FAM186B: variants seen among roughly 807,000 people sequenced by gnomAD.
The protein encoded by FAM186B is family with sequence similarity 186 member B.
A neutral mutation model predicts 83.4 loss-of-function variants in FAM186B; 68 were observed. The ratio of observed to expected loss-of-function variants is 0.81; its 90% CI spans 0.67 to 1.00. The LOEUF is 1.00. Ranked by LOEUF, FAM186B falls within the 50% of genes least tolerant of loss-of-function variation. The pLI, the probability that FAM186B is intolerant of heterozygous loss-of-function variation, is 0.00. For synonymous variants in FAM186B, 389 were observed against 422.0 expected (o/e 0.92, Z 0.96); for missense variants, 983 against 1,099.2 (o/e 0.89, Z 1.49).
At chr12:49,592,733 C>T (rs992375607) in intron 5 of FAM186B, among the ~76,000 whole-genome samples, 3 of 152,092 alleles carry the variant, frequency 2.0e-5, no homozygotes, top group Non-Finnish European at 2.9e-5. Flanking sequence ...TTATGGTGAG[C>T]TGAGATCGCA....
At chr12:49,588,744 G>C in intron 5 of FAM186B, 121 bp from the exon 6 acceptor site, 16 of 944,274 alleles carry the variant, frequency 1.7e-5, no homozygotes, top group Non-Finnish European at 2.3e-5. Context: ...GAGAGGGTAA[G>C]GCCCAGGGAA....
At chr12:49,587,172 G>A (rs1396643609), downstream of FAM186B, among the ~76,000 whole-genome samples, 2 of 152,136 alleles carry the variant, frequency 1.3e-5, no homozygotes, top group African/African-American at 2.4e-5. Context: ...TCTAGGGACC[G>A]TTCTTGAAGA....
Position 49,598,863 on chromosome 12 carries a change from G to A in FAM186B, c.2256C>T (p.Asn752=), listed in dbSNP as rs1939794449. Residue 752 remains asparagine, a synonymous_variant, in exon 5 of 7, where the codon AAC becomes AAT. Coordinates refer to ENST00000257894, the MANE Select transcript of FAM186B (RefSeq NM_032130.3). The part of the protein sequence containing the change: ...KAQNLYIFLE[N]IDRLQSLRLQ... ...GCCTGAGACTCTGCAGGCGGTCAAT[G>A]TTTTCCAGGAAGATGTAGAGGTTCT... 1.2e-6 allele frequency: 2 copies of A among 1,613,284 alleles called. No individual in the cohort carries two copies. Among genetic ancestry groups the A allele is most frequent in the South Asian group, 2.2e-5 (2 of 90,996 alleles).
chr12:49,600,878 G>C lies in FAM186B; in HGVS notation c.762C>G (p.Asn254Lys), dbSNP rs370674269. ...NKALILQHKE[N>K]RSLETKYRHL... The stretch of plus-strand genomic sequence containing the variant: ...GCCTGTATTTGGTCTCCAGGCTCCT[G>C]TTCTCCTTGTGTTGGAGGATCAAGG... The change falls in exon 4 of 7, where the codon AAC becomes AAG. Residue 254 changes from asparagine (N) to lysine (K), a missense_variant. Transcript: ENST00000257894. The surrounding 1 kb of genome is among the most constrained non-coding windows in gnomAD (Gnocchi z 4.3). The C allele has an allele frequency of 1.0e-4, 167 of 1,614,030 alleles. No individual in the cohort carries two copies. Among genetic ancestry groups the C allele is most frequent in the Admixed American group, 2.0e-4 (12 of 59,992 alleles).
At chr12:49,602,180 C>A (rs754889062) in intron 3 of FAM186B, among the ~76,000 whole-genome samples, 1 of 152,158 alleles carries the variant, frequency 6.6e-6, no homozygotes, top group African/African-American at 2.4e-5. Context: ...CTAGTAAGTG[C>A]TCAATAAATC....
At chr12:49,595,446 T>G (rs571144549) in intron 5 of FAM186B, 1 of 496,466 alleles carries the variant, frequency 2.0e-6, no homozygotes, top group African/African-American at 1.9e-5. Context: ...GTGCAGGTCC[T>G]ACTGCTCTGA....
chr12:49,615,509 G>A, the FAM186B span, among the ~76,000 whole-genome samples: 1 of 152,144 alleles, frequency 6.6e-6, no homozygotes, highest in Non-Finnish European at 1.5e-5. Context: ...TATACAAATG[G>A]GCCAGGTGCA....
In FAM186B at chr12:49,598,928, C is replaced by A. The variant is rs1939797166; in HGVS notation, c.2191G>T (p.Val731Leu). The A allele has an allele frequency of 1.9e-6, 3 of 1,613,796 alleles. No individual in the cohort carries two copies. The highest frequency in any genetic ancestry group is 1.7e-6 in the Non-Finnish European group (2 of 1,179,990). Residue 731 changes from valine to leucine, a missense_variant, in exon 5 of 7, where the codon GTA (valine) becomes TTA (leucine). Coordinates refer to ENST00000257894, the MANE Select transcript of FAM186B (RefSeq NM_032130.3). Reference sequence around the variant, plus strand: ...GCCTCCGTTTCTTTCATGATTTGTACATGGTTGATCGCTTCTTGCCTGGGA... The same window carrying A: ...GCCTCCGTTTCTTTCATGATTTGTAAATGGTTGATCGCTTCTTGCCTGGGA... ...QSLRQEAINH[V>L]QIMKETEASY...
downstream of FAM186B, among the ~76,000 whole-genome samples, chr12:49,586,023 A>G (rs1231786906): frequency 1.3e-5 from 2 of 152,182 alleles, no homozygotes; most frequent in East Asian, 3.8e-4. Context: ...CCTGACACGC[A>G]GGGAGGTGGT....
In FAM186B at chr12:49,600,175, G is replaced by A. The variant is rs142744818; in HGVS notation, c.1465C>T (p.Arg489Trp). 3.2e-5 allele frequency: 52 copies of A among 1,613,274 alleles called. No individual in the cohort carries two copies. In the African/African-American group the frequency reaches 4.4e-4, roughly 14 times the overall value. ...PWEEEFGREM[R>W]RQLWLEEEEM... Reference sequence around the variant, plus strand: ...TCCTCCTCCAGCCACAGCTGCCTCCGCATCTCCCGGCCGAATTCCTCCTCC... The same window carrying A: ...TCCTCCTCCAGCCACAGCTGCCTCCACATCTCCCGGCCGAATTCCTCCTCC... The change falls in exon 4 of 7, where the codon CGG becomes TGG. Residue 489 changes from arginine (R) to tryptophan (W), a missense_variant. Arg to Trp is a moderately radical substitution (Grantham distance 101). Coordinates refer to ENST00000257894, the MANE Select transcript of FAM186B (RefSeq NM_032130.3). This position sits in a 1 kb window ranked among gnomAD's most constrained non-coding sequence, Gnocchi z 4.3.
chr12:49,615,892 A>G, the FAM186B span, among the ~76,000 whole-genome samples: 1 of 152,244 alleles, frequency 6.6e-6, no homozygotes, highest in Non-Finnish European at 1.5e-5. Flanking sequence ...TAAAACCATG[A>G]GATCCCAACT....
At position 49,600,115 on chromosome 12, in the gene FAM186B, G is replaced by A. The variant is rs1261109220; in HGVS notation, c.1525C>T (p.Leu509=). Residue 509 remains leucine, a synonymous_variant, in exon 4 of 7, where the codon CTG becomes TTG. Coordinates refer to ENST00000257894, the MANE Select transcript of FAM186B (RefSeq NM_032130.3). The surrounding 1 kb of genome is among the most constrained non-coding windows in gnomAD (Gnocchi z 4.3). ...MWQQRQKKWA[L]LEQEHQEKLR... ...TTCTCCTGATGCTCCTGCTCCAGCA[G>A]GGCCCACTTCTTCTGCCGCTGCTGC... 1 of 1,613,162 alleles carries A rather than the reference G, an allele frequency of 6.2e-7. No homozygotes were observed.
At chr12:49,585,993 C>T (rs778100149), downstream of FAM186B, among the ~76,000 whole-genome samples, 2 of 152,198 alleles carry the variant, frequency 1.3e-5, no homozygotes, top group Middle Eastern at 3.2e-3. Flanking sequence ...GGAGCCCCCA[C>T]ACTGAGACAT....
At position 49,600,007 on chromosome 12, in the gene FAM186B, G is replaced by A. The variant is rs773097118; in HGVS notation, c.1633C>T (p.Arg545Trp). The A allele has an allele frequency of 7.4e-6, 12 of 1,611,330 alleles. No individual in the cohort carries two copies. Among genetic ancestry groups the A allele is most frequent in the South Asian group, 5.5e-5 (5 of 90,590 alleles). ...TCCCCTAGCTGCTCTGGCTCTCTCC[G>A]TGGGCTCTCCTGCTCCTTTTCTAGC... ...VQLEKEQESP[R>W]REPEQLGEDV... The change falls in exon 4 of 7, where the codon CGG (arginine) becomes TGG (tryptophan). Residue 545 changes from arginine (R) to tryptophan (W), a missense_variant. Transcript: ENST00000257894. The surrounding 1 kb of genome is among the most constrained non-coding windows in gnomAD (Gnocchi z 4.3).
downstream of FAM186B, chr12:49,583,236 A>G (rs983194929): frequency 2.3e-5 from 8 of 355,030 alleles, no homozygotes; most frequent in African/African-American, 4.3e-5. Context: ...TTAATATTCA[A>G]AATAGTCTCA....
upstream of FAM186B, among the ~76,000 whole-genome samples, chr12:49,608,697 G>C (rs951703537): frequency 6.6e-6 from 1 of 151,686 alleles, no homozygotes. Flanking sequence ...AACAGCCCCC[G>C]TGATGGCATT....
chr12:49,621,148 C>G, the FAM186B span, among the ~76,000 whole-genome samples: 1 of 152,180 alleles, frequency 6.6e-6, no homozygotes, highest in Non-Finnish European at 1.5e-5. Context: ...TTTGCCAGGT[C>G]GAGGCAGGCA....
At chr12:49,603,913 C>G (rs1459043789) in intron 2 of FAM186B, among the ~76,000 whole-genome samples, 1 of 152,144 alleles carries the variant, frequency 6.6e-6, no homozygotes, top group East Asian at 1.9e-4. Flanking sequence ...TAGCACTTAG[C>G]TTTAGGGTTT....
chr12:49,595,166 G>A (rs1939684662), intron 5 of FAM186B: 2 of 456,520 alleles, frequency 4.4e-6, no homozygotes, highest in Non-Finnish European at 8.4e-6. Context: ...AGGAGCAGAG[G>A]AAATGGAGAC....
Sources: allele counts gnomAD v4.1 joint callset (sites outside exome capture counted in the v4.1 genomes callset), GRCh38; gene constraint gnomAD v4.1.1; non-coding constraint Gnocchi (gnomAD v3.1); transcripts MANE v1.5; gene names NCBI Gene and HGNC (gene_info 2026-07-23, HGNC 2026-07-21).